The following DGKB variants were observed in gnomAD, a reference collection of about 807,000 sequenced individuals.
The protein encoded by DGKB is diacylglycerol kinase beta.
DGKB carries 67 observed loss-of-function variants against 114.3 expected under a neutral mutation model. That is an observed-to-expected ratio of 0.59 (90% CI 0.48 to 0.72). The LOEUF is 0.72. Among genes scored for constraint, DGKB ranks in the 30% least tolerant of loss-of-function variants. DGKB has a pLI of 0.00. For synonymous variants in DGKB, 398 were observed against 323.1 expected (o/e 1.23, Z -2.49); for missense variants, 907 against 975.2 (o/e 0.93, Z 0.93).
At chr7:14,341,783 T>G (rs1811645275) in intron 22 of DGKB, among the ~76,000 whole-genome samples, 1 of 151,900 alleles carries the variant, frequency 6.6e-6, no homozygotes, top group African/African-American at 2.4e-5. Flanking sequence ...GCTTTATATG[T>G]GACTTTAGTG....
chr7:14,886,457 A>G (rs571991863), intron 1 of DGKB, among the ~76,000 whole-genome samples: 1 of 151,946 alleles, frequency 6.6e-6, no homozygotes, highest in South Asian at 2.1e-4. Context: ...AGCAAACCAA[A>G]GACTCCTGCT....
At chr7:14,584,877 C>T (rs543840538) in intron 17 of DGKB, among the ~76,000 whole-genome samples, 13 of 152,156 alleles carry the variant, frequency 8.5e-5, no homozygotes, top group African/African-American at 3.1e-4. Flanking sequence ...CCAGGCTGGT[C>T]TCATACTGTT....
At chr7:14,444,105 T>C (rs1291371412) in intron 21 of DGKB, among the ~76,000 whole-genome samples, 1 of 151,862 alleles carries the variant, frequency 6.6e-6, no homozygotes, top group Non-Finnish European at 1.5e-5. Flanking sequence ...ATTTGGCTTG[T>C]TTTTCAAATA....
At chr7:14,415,352 G>C (rs1230069606) in intron 21 of DGKB, among the ~76,000 whole-genome samples, 1 of 152,032 alleles carries the variant, frequency 6.6e-6, no homozygotes, top group East Asian at 1.9e-4. Context: ...CATGTGCCAT[G>C]TTGGTGTGCT....
chr7:14,849,696 A>G (rs1849093219), intron 1 of DGKB, among the ~76,000 whole-genome samples: 1 of 152,180 alleles, frequency 6.6e-6, no homozygotes, highest in South Asian at 2.1e-4. Context: ...CATGAGGTGG[A>G]GTAATAAATT....
At chr7:14,910,310 GAA>G (rs1410701198) in intron 1 of DGKB, among the ~76,000 whole-genome samples, 2 of 119,360 alleles carry the variant, frequency 1.7e-5, no homozygotes, top group Non-Finnish European at 3.6e-5. Context: ...AAGAAAGAAA[GAA>G]AGAACCTTAT....
intron 5 of DGKB, among the ~76,000 whole-genome samples, chr7:14,734,389 G>A (rs184018891): frequency 1.3e-5 from 2 of 152,216 alleles, no homozygotes; most frequent in Admixed American, 6.5e-5. Flanking sequence ...GCTGGGACTC[G>A]CTAGACTTGT....
At chr7:14,928,238 G>T (rs1187897294) in intron 1 of DGKB, among the ~76,000 whole-genome samples, 2 of 151,880 alleles carry the variant, frequency 1.3e-5, no homozygotes, top group East Asian at 3.8e-4. Flanking sequence ...TGAGTTTATA[G>T]AAATCTATTT....
intron 25 of DGKB, 52 bp from the exon 26 acceptor site, chr7:14,149,290 A>AGAT: frequency 1.5e-6 from 2 of 1,352,564 alleles, no homozygotes; most frequent in East Asian, 4.6e-5. Flanking sequence ...ATCTCCAGAT[A>AGAT]GATACAATAC....
chr7:14,230,359 G>T (rs1791521918), intron 23 of DGKB, among the ~76,000 whole-genome samples: 1 of 151,904 alleles, frequency 6.6e-6, no homozygotes, highest in Non-Finnish European at 1.5e-5. Flanking sequence ...TAGTCACTTA[G>T]TGTATTTTTG....
At chr7:14,945,865 A>T (rs1435008069) in intron 1 of DGKB, among the ~76,000 whole-genome samples, 1 of 151,682 alleles carries the variant, frequency 6.6e-6, no homozygotes, top group Non-Finnish European at 1.5e-5. Context: ...TAGGTAAATT[A>T]AAAAATTTTA....
chr7:14,392,351 G>C (rs1475036763), intron 21 of DGKB, among the ~76,000 whole-genome samples: 1 of 152,058 alleles, frequency 6.6e-6, no homozygotes. Flanking sequence ...AACACAAAAA[G>C]GTAGTGAGAA....
chr7:14,244,115 G>A (rs369578334), intron 23 of DGKB, among the ~76,000 whole-genome samples: 1 of 152,044 alleles, frequency 6.6e-6, no homozygotes, highest in African/African-American at 2.4e-5. Context: ...GGAATAAGGC[G>A]GCTTCTGACA....
chr7:14,293,611 G>A (rs1271425763), intron 23 of DGKB, among the ~76,000 whole-genome samples: 1 of 152,092 alleles, frequency 6.6e-6, no homozygotes, highest in Admixed American at 6.6e-5. Context: ...GGTAACATAT[G>A]GTTTGCCCTT....
chr7:14,515,588 T>A (rs1425670096), intron 20 of DGKB, among the ~76,000 whole-genome samples: 1 of 152,158 alleles, frequency 6.6e-6, no homozygotes, highest in Non-Finnish European at 1.5e-5. Flanking sequence ...CAAAAATGTA[T>A]AAATCAAGGA....
chr7:14,506,641 G>A (rs1248351528), intron 20 of DGKB, among the ~76,000 whole-genome samples: 1 of 152,118 alleles, frequency 6.6e-6, no homozygotes. Context: ...GAAAATTGGA[G>A]AGCCACGCAC....
intron 21 of DGKB, among the ~76,000 whole-genome samples, chr7:14,376,005 G>T (rs1818424089): frequency 6.6e-6 from 1 of 152,150 alleles, no homozygotes; most frequent in Admixed American, 6.5e-5. Flanking sequence ...TAGTTTTCTA[G>T]AAACAAGAAT....
chr7:14,241,744 G>A (rs546925257), intron 23 of DGKB, among the ~76,000 whole-genome samples: 1 of 151,784 alleles, frequency 6.6e-6, no homozygotes, highest in South Asian at 2.1e-4. Context: ...CAGAAAAGGA[G>A]AACATTAGAG....
chr7:14,435,574 TTAC>T (rs1249688413), intron 21 of DGKB, among the ~76,000 whole-genome samples: 2 of 152,094 alleles, frequency 1.3e-5, no homozygotes, highest in Non-Finnish European at 2.9e-5. Context: ...GTTATTATTT[TTAC>T]TACAAGAACC....
Sources: allele counts gnomAD v4.1 joint callset (sites outside exome capture counted in the v4.1 genomes callset), GRCh38; gene constraint gnomAD v4.1.1; transcripts MANE v1.5; gene names NCBI Gene and HGNC (gene_info 2026-07-23, HGNC 2026-07-21).